Variants in PRR16 observed in about 807,000 individuals in gnomAD.
The protein encoded by PRR16 is protein Largen.
PRR16 carries 6 observed loss-of-function variants against 18.2 expected under a neutral mutation model. The observed-to-expected ratio is 0.33, with a 90% CI of 0.18 to 0.65. The LOEUF (loss-of-function observed/expected upper bound fraction) is 0.65, where lower values mean the gene tolerates loss of function less well. PRR16 is among the 30% of genes least tolerant of loss of function. The probability of loss-of-function intolerance (pLI) is 0.74; values close to 1 mark genes in which losing one functional copy is unlikely to be tolerated. For missense variants in PRR16, 412 were observed against 376.6 expected (o/e 1.09, Z -0.78); for synonymous variants, 151 against 147.8 (o/e 1.02, Z -0.16).
chr5:120,704,698 C>A, the PRR16 span, among the ~76,000 whole-genome samples: 1 of 152,076 alleles, frequency 6.6e-6, no homozygotes, highest in Non-Finnish European at 1.5e-5. Context: ...CTTTACAGTG[C>A]GCTCAGACAT....
At chr5:120,700,855 C>T in the PRR16 span, among the ~76,000 whole-genome samples, 1 of 152,184 alleles carries the variant, frequency 6.6e-6, no homozygotes, top group East Asian at 1.9e-4. Context: ...TGTCAGTCTT[C>T]AGCCGCTAAG....
chr5:120,736,150 C>G, the PRR16 span, among the ~76,000 whole-genome samples: 6 of 152,210 alleles, frequency 3.9e-5, no homozygotes, highest in South Asian at 1.2e-3. Flanking sequence ...TAATTATGGG[C>G]TGTTGATTCT....
the PRR16 span, among the ~76,000 whole-genome samples, chr5:120,734,371 G>A: frequency 6.6e-6 from 1 of 152,118 alleles, no homozygotes; most frequent in African/African-American, 2.4e-5. Flanking sequence ...GTAAGTGCAT[G>A]TTTATTCGTT....
chr5:120,713,415 A>C, the PRR16 span, among the ~76,000 whole-genome samples: 1 of 152,198 alleles, frequency 6.6e-6, no homozygotes, highest in African/African-American at 2.4e-5. Flanking sequence ...GGTACACAGA[A>C]GAATTATTTT....
intron 1 of PRR16, among the ~76,000 whole-genome samples, chr5:120,503,568 T>C (rs1339670167): frequency 6.6e-6 from 1 of 152,182 alleles, no homozygotes; most frequent in Non-Finnish European, 1.5e-5. Flanking sequence ...GAACATTTGT[T>C]ATCACTCAAG....
At chr5:120,586,739 C>G (rs1307840152) in intron 1 of PRR16, among the ~76,000 whole-genome samples, 5 of 152,144 alleles carry the variant, frequency 3.3e-5, no homozygotes, top group Non-Finnish European at 7.3e-5. Flanking sequence ...TTGGTCCTCT[C>G]TGTTCCCTAA....
intron 1 of PRR16, among the ~76,000 whole-genome samples, chr5:120,497,356 T>G (rs1750283354): frequency 1.3e-5 from 2 of 151,600 alleles, no homozygotes; most frequent in African/African-American, 2.4e-5. Context: ...GTTCTATCAG[T>G]TTTTGCTTCC....
chr5:120,784,717 CT>C, the PRR16 span, among the ~76,000 whole-genome samples: 1 of 152,160 alleles, frequency 6.6e-6, no homozygotes, highest in African/African-American at 2.4e-5. Context: ...CTCTTTGAAA[CT>C]TTTTTCCCAG....
At chr5:120,762,332 A>G in the PRR16 span, among the ~76,000 whole-genome samples, 1 of 152,248 alleles carries the variant, frequency 6.6e-6, no homozygotes, top group Non-Finnish European at 1.5e-5. Flanking sequence ...CATTCCTAAC[A>G]GTAGTATGTA....
intron 1 of PRR16, among the ~76,000 whole-genome samples, chr5:120,673,355 G>T (rs1756680561): frequency 6.6e-6 from 1 of 152,178 alleles, no homozygotes; most frequent in South Asian, 2.1e-4. Context: ...GCTCACAAAT[G>T]CTTATGGTTG....
intron 1 of PRR16, among the ~76,000 whole-genome samples, chr5:120,523,241 AAATAG>A (rs1180170442): frequency 6.6e-6 from 1 of 152,204 alleles, no homozygotes; most frequent in Non-Finnish European, 1.5e-5. Flanking sequence ...TAATTTTAAT[AAATAG>A]CTCAACACTG....
intron 1 of PRR16, among the ~76,000 whole-genome samples, chr5:120,516,171 C>G (rs1459551564): frequency 2.0e-5 from 3 of 152,138 alleles, no homozygotes; most frequent in African/African-American, 7.2e-5. Flanking sequence ...TGCCCGTAAT[C>G]TCAGCACTTT....
At chr5:120,539,038 T>C (rs1360852215) in intron 1 of PRR16, among the ~76,000 whole-genome samples, 2 of 152,158 alleles carry the variant, frequency 1.3e-5, no homozygotes, top group African/African-American at 4.8e-5. Context: ...GAGAAGGTAC[T>C]TGGGCTCCTG....
At chr5:120,750,746 T>C in the PRR16 span, among the ~76,000 whole-genome samples, 28 of 152,276 alleles carry the variant, frequency 1.8e-4, 1 homozygote, top group Middle Eastern at 0.01. Flanking sequence ...ATTCAATGTA[T>C]AATGATCAAA....
intron 1 of PRR16, among the ~76,000 whole-genome samples, chr5:120,604,092 G>A (rs546701804): frequency 1.6e-4 from 24 of 146,458 alleles, no homozygotes; most frequent in Non-Finnish European, 3.3e-4. Context: ...GCTGAGTTTA[G>A]GTCCCAAATT....
At chr5:120,715,393 T>C in the PRR16 span, among the ~76,000 whole-genome samples, 1 of 152,200 alleles carries the variant, frequency 6.6e-6, no homozygotes, top group Non-Finnish European at 1.5e-5. Flanking sequence ...GAAAACTATA[T>C]AAACACACAC....
chr5:120,750,598 C>G, the PRR16 span, among the ~76,000 whole-genome samples: 1 of 151,720 alleles, frequency 6.6e-6, no homozygotes, highest in Admixed American at 6.6e-5. Context: ...ACATGGGAGG[C>G]GGAGGTTGCA....
the PRR16 span, among the ~76,000 whole-genome samples, chr5:120,766,479 C>T: frequency 1.7e-4 from 26 of 151,650 alleles, no homozygotes; most frequent in Non-Finnish European, 1.5e-5. Context: ...TTGACACACT[C>T]AGTACTAGTC....
the PRR16 span, among the ~76,000 whole-genome samples, chr5:120,723,796 C>T: frequency 5.8e-4 from 88 of 151,930 alleles, no homozygotes; most frequent in Non-Finnish European, 1.0e-3. Context: ...TTAGTTAGGA[C>T]TTTTTCTTGG....
Sources: allele counts gnomAD v4.1 joint callset (sites outside exome capture counted in the v4.1 genomes callset), GRCh38; gene constraint gnomAD v4.1.1; transcripts MANE v1.5; gene names NCBI Gene and HGNC (gene_info 2026-07-23, HGNC 2026-07-21).